Variants in ME2 observed in about 807,000 individuals in gnomAD.
ME2 encodes the protein NAD-dependent malic enzyme, mitochondrial.
Under a neutral mutation model 73.7 loss-of-function variants are expected in ME2, and 60 were observed. The ratio of observed to expected loss-of-function variants is 0.81; its 90% CI spans 0.66 to 1.01. The LOEUF (loss-of-function observed/expected upper bound fraction) is 1.01, where lower values mean the gene tolerates loss of function less well. Among genes scored for constraint, ME2 ranks in the 50% least tolerant of loss-of-function variants. The pLI is 0.00. For missense variants in ME2, 594 were observed against 705.5 expected (o/e 0.84, Z 1.79); for synonymous variants, 199 against 236.9 (o/e 0.84, Z 1.47).
rs191845311 is a variant in ME2 at position 50,885,864 on chromosome 18, A to T, written c.-13+6556A>T. Among the ~76,000 whole-genome samples the T allele has an allele frequency of 8.5e-5, 13 of 152,330 alleles. No homozygotes were observed. In the East Asian group the frequency reaches 2.3e-3, roughly 27 times the overall value. On this transcript the variant is annotated intron_variant, in intron 1 of 15. Transcript: ENST00000321341. ...GCTTTTATGCAAGATAATCCTGAAA[A>T]GATGTATAAAAGTCAAATTTGAGTA... is the stretch of plus-strand genomic sequence containing the variant.
chr18:50,916,016 T>G lies in ME2; in HGVS notation c.393-152T>G, dbSNP rs1449588263. 5 of 576,760 alleles carry G rather than the reference T, an allele frequency of 8.7e-6. No homozygotes were observed. The Admixed American group carries it at 9.8e-5, about 11-fold the overall frequency. The allele number at this position is 576,760 out of a possible 1,614,324, so 35.7% of individuals were successfully genotyped here. A position where few individuals can be genotyped will look rare whatever the true frequency, so the allele number is the denominator to read the frequency against. ...TTACAGTTTGAAGTACTTGAAAATG[T>G]TTGAAAATAAACCAGTGTGACTTAG... On this transcript the variant is annotated intron_variant, in intron 4 of 15. Coordinates refer to ENST00000321341, the MANE Select transcript of ME2 (RefSeq NM_002396.5).
chr18:50,909,389 G>A (rs531690366), intron 3 of ME2, among the ~76,000 whole-genome samples: 42 of 152,284 alleles, frequency 2.8e-4, no homozygotes, highest in Admixed American at 2.6e-3. Flanking sequence ...TGAGAAAAAG[G>A]TACAAGCAGA....
At position 50,930,883 on chromosome 18, in the gene ME2, C is replaced by A. The variant is rs146652895; in HGVS notation, c.1315-1375C>A. 4.8e-3 allele frequency among the ~76,000 whole-genome samples: 727 copies of A among 152,222 alleles called. 6 individuals carry two copies. Among genetic ancestry groups the A allele is most frequent in the African/African-American group, 0.017 (705 of 41,520 alleles). On this transcript the variant is annotated intron_variant, in intron 12 of 15. Coordinates refer to ENST00000321341, the MANE Select transcript of ME2 (RefSeq NM_002396.5). ...ACAGATAGATAATTGTAATAGCTAT[C>A]CATAGAATAGGTAGAAAATGATATA...
intron 5 of ME2, 146 bp downstream of exon 5, chr18:50,916,389 T>TG: frequency 3.4e-6 from 2 of 596,448 alleles, no homozygotes; most frequent in Non-Finnish European, 5.9e-6. Context: ...GCTGAAGTGA[T>TG]GATAATAGTA....
intron 1 of ME2, 120 bp from the exon 2 acceptor site, chr18:50,895,689 C>T: frequency 1.5e-6 from 1 of 646,234 alleles, no homozygotes; most frequent in Non-Finnish European, 2.7e-6. Context: ...CCTCTTGTTA[C>T]CTTTTTAAAA....
chr18:50,919,294 T>A (rs543591418), intron 7 of ME2, among the ~76,000 whole-genome samples: 1 of 152,318 alleles, frequency 6.6e-6, no homozygotes, highest in East Asian at 1.9e-4. Context: ...CCTATTGCCA[T>A]AGGATAAAGT....
intron 1 of ME2, among the ~76,000 whole-genome samples, chr18:50,886,369 G>A (rs1036600164): frequency 1.3e-5 from 2 of 151,422 alleles, no homozygotes. Flanking sequence ...TCAGCCTCCT[G>A]AGTAGCTGGG....
Position 50,920,680 on chromosome 18 carries a change from A to G in ME2, c.864A>G (p.Leu288=), listed in dbSNP as rs1917404836. 6.2e-7 allele frequency: 1 copy of G among 1,611,518 alleles called. No homozygotes were observed. Among genetic ancestry groups the G allele is most frequent in the Non-Finnish European group, 8.5e-7 (1 of 1,179,376 alleles). ...TTACAGGGACAGCTGCAGTAGCTCT[A>G]GCAGGTCTTCTTGCAGCACAAAAAG... ...DDIQGTAAVA[L]AGLLAAQKVI... The change falls in exon 9 of 16, where the codon CTA becomes CTG. Residue 288 remains leucine, a synonymous_variant. Coordinates refer to ENST00000321341, the MANE Select transcript of ME2 (RefSeq NM_002396.5).
chr18:50,888,405 AG>A (rs1375968138), intron 1 of ME2, among the ~76,000 whole-genome samples: 1 of 152,152 alleles, frequency 6.6e-6, no homozygotes, highest in Non-Finnish European at 1.5e-5. Context: ...AATGGGATTT[AG>A]AAAGGAATGG....
chr18:50,943,329 T>G (rs1412302710), intron 15 of ME2, among the ~76,000 whole-genome samples: 3 of 151,952 alleles, frequency 2.0e-5, no homozygotes, highest in African/African-American at 7.3e-5. Context: ...AGGCCGAGTT[T>G]TACTCTGTCA....
intron 1 of ME2, among the ~76,000 whole-genome samples, chr18:50,893,727 T>C (rs1257355130): frequency 2.0e-5 from 3 of 152,212 alleles, no homozygotes; most frequent in Non-Finnish European, 4.4e-5. Flanking sequence ...TAACAATACA[T>C]TGAAGATTTT....
At chr18:50,901,498 T>C (rs1262613472) in intron 2 of ME2, among the ~76,000 whole-genome samples, 1 of 152,214 alleles carries the variant, frequency 6.6e-6, no homozygotes, top group Non-Finnish European at 1.5e-5. Flanking sequence ...TGAGAAAATA[T>C]ATAACAAATG....
chr18:50,939,500 G>T, intron 13 of ME2, 70 bp from the exon 14 acceptor site: 1 of 1,069,416 alleles, frequency 9.4e-7, no homozygotes, highest in South Asian at 1.3e-5. Flanking sequence ...TTATTTGCCT[G>T]AATATAGGAA....
intron 3 of ME2, 91 bp downstream of exon 3, chr18:50,908,287 A>G (rs1917064479): frequency 1.9e-5 from 17 of 899,942 alleles, no homozygotes; most frequent in Admixed American, 2.9e-5. Context: ...GAAATACACA[A>G]TCTTATATAA....
At chr18:50,885,515 C>T (rs897491850) in intron 1 of ME2, among the ~76,000 whole-genome samples, 1 of 150,800 alleles carries the variant, frequency 6.6e-6, no homozygotes, top group African/African-American at 2.4e-5. Context: ...GAGATACTGT[C>T]TCTAAAAAAA....
chr18:50,897,753 G>C (rs1389972027), intron 2 of ME2, among the ~76,000 whole-genome samples: 1 of 152,152 alleles, frequency 6.6e-6, no homozygotes, highest in Non-Finnish European at 1.5e-5. Flanking sequence ...CCAGCTACTT[G>C]GGAGGCTGAG....
chr18:50,922,482 G>C (rs551864257), intron 10 of ME2, among the ~76,000 whole-genome samples: 15 of 152,188 alleles, frequency 9.9e-5, no homozygotes, highest in Non-Finnish European at 2.1e-4. Context: ...AAGGCACAAG[G>C]ATAAAACATC....
At chr18:50,886,534 G>T (rs1916477013) in intron 1 of ME2, among the ~76,000 whole-genome samples, 1 of 152,062 alleles carries the variant, frequency 6.6e-6, no homozygotes, top group Non-Finnish European at 1.5e-5. Context: ...GTGAGCCACT[G>T]CACCTGGCCA....
rs746569614 is a variant in ME2, at chr18:50,932,253, A to G, written c.1315-5A>G. On this transcript the variant is annotated splice_polypyrimidine_tract_variant and splice_region_variant and intron_variant, in intron 12 of 15. Coordinates refer to ENST00000321341, the MANE Select transcript of ME2 (RefSeq NM_002396.5). ...AAAATTGAAGTTATTTCATTTTATT[A>G]ACAGGGCAGGTGTTTGTTTGCCAGT... 6.2e-7 allele frequency: 1 copy of G among 1,607,946 alleles called. No homozygotes were observed. The highest frequency in any genetic ancestry group is 8.5e-7 in the Non-Finnish European group (1 of 1,177,102).
Sources: gnomAD v4.1 joint callset for allele counts (sites outside exome capture counted in the v4.1 genomes callset) on GRCh38, gnomAD v4.1.1 for gene constraint, MANE v1.5 for transcripts, NCBI Gene and HGNC (gene_info 2026-07-23, HGNC 2026-07-21) for gene names.